Variants in CACNB1 observed in about 807,000 individuals in gnomAD.
The protein encoded by CACNB1 is voltage-dependent L-type calcium channel subunit beta-1.
In CACNB1, 29 loss-of-function variants were observed where a neutral mutation model predicts 71.6. That is an observed-to-expected ratio of 0.40 (90% confidence interval 0.30 to 0.55). CACNB1 has a LOEUF of 0.55. CACNB1 is among the 20% of genes least tolerant of loss of function. The probability of loss-of-function intolerance (pLI) is 0.38; values close to 1 mark genes in which losing one functional copy is unlikely to be tolerated. For synonymous variants in CACNB1, 300 were observed against 319.6 expected (o/e 0.94, Z 0.65); for missense variants, 623 against 801.8 (o/e 0.78, Z 2.69).
intron 8 of CACNB1, 78 bp from the exon 9 acceptor site, chr17:39,184,461 A>G: frequency 2.4e-6 from 2 of 825,674 alleles, no homozygotes; most frequent in South Asian, 1.4e-5. Flanking sequence ...GTCGCTGGGT[A>G]TTTGTACCCT....
Position 39,184,291 on chromosome 17 carries a change from C to T in CACNB1, c.788+34G>A, listed in dbSNP as rs369891566. ...GCCCATCCCCAGCAGCAGAGAGCAA[C>T]GGCAGGTGCGAGGAGCAGCTCCCAG... On this transcript the variant is annotated intron_variant, in intron 9 of 13. Coordinates refer to ENST00000394303, the MANE Select transcript of CACNB1 (RefSeq NM_000723.5). The T allele has an allele frequency of 1.7e-4, 243 of 1,440,306 alleles. No individual in the cohort carries two copies. The African/African-American group carries it at 2.1e-3, about 13-fold the overall frequency. The allele number at this position is 1,440,306 out of a possible 1,614,324, so 89.2% of individuals were successfully genotyped here. A position where few individuals can be genotyped will look rare whatever the true frequency, so the allele number is the denominator to read the frequency against.
In CACNB1 at chr17:39,194,162, G is replaced by A. The variant is rs757817147; in HGVS notation, c.171+722C>T. 2.0e-5 allele frequency among the ~76,000 whole-genome samples: 3 copies of A among 152,074 alleles called. No homozygotes were observed. The highest frequency in any genetic ancestry group is 4.4e-5 in the Non-Finnish European group (3 of 68,024). ...TTTTTTGGGTACCAGGCTTTGGTGA[G>A]ATGCTAAGTAGTCATAGCAACCACA... On this transcript the variant is annotated intron_variant, in intron 2 of 13. Transcript: ENST00000394303. This position sits in a 1 kb window ranked among gnomAD's most constrained non-coding sequence, Gnocchi z 4.6.
chr17:39,191,131 G>C (rs1234012124), intron 3 of CACNB1, among the ~76,000 whole-genome samples: 1 of 152,100 alleles, frequency 6.6e-6, no homozygotes, highest in South Asian at 2.1e-4. Context: ...GTGAACCCGG[G>C]AGGCGGAGCT....
In CACNB1 at chr17:39,185,117, G is replaced by C. The variant is rs1411705580; in HGVS notation, c.648+14C>G. 3 of 1,612,960 alleles carry C rather than the reference G, an allele frequency of 1.9e-6. No homozygotes were observed. The highest frequency in any genetic ancestry group is 2.7e-5 in the African/African-American group (2 of 74,974). On this transcript the variant is annotated intron_variant, in intron 7 of 13. Transcript: ENST00000394303. ...GGGAGTGGGGAGGAGGACACAGAAA[G>C]CTGTGATACTCACCGACTTCTGCTT...
rs979916917 is a variant in CACNB1, at chr17:39,175,294, C to G, written c.1696G>C (p.Gly566Arg). 6.2e-7 allele frequency: 1 copy of G among 1,614,064 alleles called. No homozygotes were observed. Among genetic ancestry groups the G allele is most frequent in the African/African-American group, 1.3e-5 (1 of 74,936 alleles). ...EEELTDNRNR[G>R]RNKARYCAEG... Reference sequence around the variant, plus strand: ...GCGCAGTAGCGGGCCTTATTCCGGCCCCGGTTCCGGTTGTCGGTCAGCTCT... The same window carrying G: ...GCGCAGTAGCGGGCCTTATTCCGGCGCCGGTTCCGGTTGTCGGTCAGCTCT... The change falls in exon 14 of 14, where the codon GGC becomes CGC. Residue 566 changes from glycine (G) to arginine (R), a missense_variant. Transcript: ENST00000394303. The surrounding 1 kb of genome is among the most constrained non-coding windows in gnomAD (Gnocchi z 4.7).
intron 1 of CACNB1, among the ~76,000 whole-genome samples, chr17:39,196,934 G>T (rs868044781): frequency 6.6e-5 from 10 of 152,038 alleles, no homozygotes; most frequent in Non-Finnish European, 1.5e-4. Flanking sequence ...GGCTTTGAAG[G>T]CCTGTTGGCA....
In CACNB1 at chr17:39,175,748, A is replaced by T. The variant is rs2045561769; in HGVS notation, c.1333-91T>A. The T allele has an allele frequency of 9.4e-7, 1 of 1,063,194 alleles. No individual in the cohort carries two copies. Among genetic ancestry groups the T allele is most frequent in the Non-Finnish European group, 1.3e-6 (1 of 742,802 alleles). The allele number at this position is 1,063,194 out of a possible 1,614,324, so 65.9% of individuals were successfully genotyped here. On this transcript the variant is annotated intron_variant, in intron 13 of 13. Transcript: ENST00000394303. This position sits in a 1 kb window ranked among gnomAD's most constrained non-coding sequence, Gnocchi z 4.7. ...AAGGCAAGTTAGTGACAGCATTAAG[A>T]GGTCCGGCCTGGATGAAGAGGGTGC...
At position 39,175,506 on chromosome 17, in the gene CACNB1, G is replaced by C; in HGVS notation, c.1484C>G (p.Ser495Cys). 6.2e-7 allele frequency: 1 copy of C among 1,614,010 alleles called. No individual in the cohort carries two copies. The highest frequency in any genetic ancestry group is 8.5e-7 in the Non-Finnish European group (1 of 1,180,032). The change falls in exon 14 of 14, where the codon TCC (serine) becomes TGC (cysteine). Residue 495 changes from serine to cysteine, a missense_variant. Physicochemically the swap from Ser to Cys is moderately radical, Grantham distance 112 (BLOSUM62 -1). Transcript: ENST00000394303. This position sits in a 1 kb window ranked among gnomAD's most constrained non-coding sequence, Gnocchi z 4.7. ...PGRAGTLRAL[S>C]RQDTFDADTP... The stretch of plus-strand genomic sequence containing the variant: ...GTCGGCATCAAAAGTGTCTTGGCGG[G>C]ACAGTGCCCGTAGCGTGCCTGCCCG...
Position 39,175,593 on chromosome 17 carries a change from T to C in CACNB1, c.1397A>G (p.His466Arg), listed in dbSNP as rs1160695549. 2.5e-6 allele frequency: 4 copies of C among 1,608,330 alleles called. No homozygotes were observed. Among genetic ancestry groups the C allele is most frequent in the Non-Finnish European group, 3.4e-6 (4 of 1,176,934 alleles). Residue 466 changes from histidine to arginine, a missense_variant, in exon 14 of 14, where the codon CAC becomes CGC. Transcript: ENST00000394303. The surrounding 1 kb of genome is among the most constrained non-coding windows in gnomAD (Gnocchi z 4.7). ...ERATGEHASM[H>R]EYPGELGQPP... ...CTGGCCCAGCTCCCCTGGGTACTCG[T>C]GCATGCTGGCGTGCTCCCCGGTGGC... is the stretch of plus-strand genomic sequence containing the variant.
At chr17:39,192,460 T>A (rs1013915673) in intron 2 of CACNB1, 1 of 152,360 alleles carries the variant, frequency 6.6e-6, no homozygotes, top group African/African-American at 2.4e-5. Flanking sequence ...CAAGTACAAG[T>A]GTGTGGAGGA....
In CACNB1 at chr17:39,187,589, C is replaced by A. The variant is rs773730456; in HGVS notation, c.304G>T (p.Ala102Ser). ...CCAACATTTGTCCGCACAGCAAATG[C>A]CACTGGCTTGGTCTAGAGGAGGCAC... ...QLEKAKTKPV[A>S]FAVRTNVGYN... The change falls in exon 4 of 14, where the codon GCA (alanine) becomes TCA (serine). Residue 102 changes from alanine (A) to serine (S), a missense_variant. Ala to Ser is a moderately conservative substitution (Grantham distance 99). Coordinates refer to ENST00000394303, the MANE Select transcript of CACNB1 (RefSeq NM_000723.5). 39 of 1,614,050 alleles carry A rather than the reference C, an allele frequency of 2.4e-5. No individual in the cohort carries two copies.
intron 10 of CACNB1, 31 bp downstream of exon 10, chr17:39,184,000 G>A (rs759717309): frequency 2.0e-5 from 31 of 1,562,014 alleles, no homozygotes; most frequent in Non-Finnish European, 2.7e-5. Flanking sequence ...GGCCCAGAAA[G>A]GGGGAGTGAA....
intron 7 of CACNB1, 48 bp downstream of exon 7, chr17:39,185,083 C>T (rs1238681677): frequency 6.3e-7 from 1 of 1,578,696 alleles, no homozygotes; most frequent in East Asian, 2.2e-5. Flanking sequence ...GTCCCCCTAG[C>T]TCATCCCAGG....
At chr17:39,195,164 A>G (rs1038796419) in intron 1 of CACNB1, 194 bp from the exon 2 acceptor site, 1 of 550,548 alleles carries the variant, frequency 1.8e-6, no homozygotes, top group Non-Finnish European at 3.2e-6. Flanking sequence ...GAGGGCCCAG[A>G]GCACAGCCAG....
rs1191400102 is a variant in CACNB1 at position 39,193,300 on chromosome 17, G to A, written c.171+1584C>T. 1.5e-5 allele frequency: 5 copies of A among 327,962 alleles called. No homozygotes were observed. The Admixed American group carries it at 2.0e-4, about 13-fold the overall frequency. 20.3% of individuals were successfully genotyped at this position (327,962 alleles called of 1,614,324 possible). A position where few individuals can be genotyped will look rare whatever the true frequency, so the allele number is the denominator to read the frequency against. On this transcript the variant is annotated intron_variant, in intron 2 of 13. Coordinates refer to ENST00000394303, the MANE Select transcript of CACNB1 (RefSeq NM_000723.5). ...CATACACACACATATGCAGACACATGTACGCGCATACACACGCACACATCA... is the reference window on the plus strand; with the variant it reads ...CATACACACACATATGCAGACACATATACGCGCATACACACGCACACATCA...
At chr17:39,191,906 A>C in intron 2 of CACNB1, 1 of 377,616 alleles carries the variant, frequency 2.6e-6, no homozygotes, top group Non-Finnish European at 4.8e-6. Flanking sequence ...GAGGAATGCC[A>C]GGGACGAGTC....
intron 13 of CACNB1, chr17:39,177,007 T>G (rs1379063701): frequency 2.7e-6 from 2 of 736,032 alleles, no homozygotes; most frequent in African/African-American, 3.6e-5. Flanking sequence ...TCCTTCCTAG[T>G]CCCTTGTCTT....
rs2144122646 is a variant in CACNB1, at chr17:39,183,822, C to T, written c.941G>A (p.Arg314Gln). Residue 314 changes from arginine (R) to glutamine (Q), a missense_variant, in exon 11 of 14, where the codon CGG becomes CAG. Arg to Gln is a conservative substitution (Grantham distance 43, BLOSUM62 1). Transcript: ENST00000394303. ...SEIERIFELA[R>Q]TLQLVALDAD... ...ATCCAGAGCGACCAACTGAAGGGTC[C>T]GGGCCAGCTCGAAGATTCGCTCGAT... 1 of 1,613,946 alleles carries T rather than the reference C, an allele frequency of 6.2e-7. No individual in the cohort carries two copies. The highest frequency in any genetic ancestry group is 8.5e-7 in the Non-Finnish European group (1 of 1,179,934).
At chr17:39,197,278 TG>T (rs533693650) in intron 1 of CACNB1, 133 bp downstream of exon 1, 2 of 417,546 alleles carry the variant, frequency 4.8e-6, no homozygotes, top group Non-Finnish European at 8.3e-6. Context: ...CCTGCAAGGA[TG>T]GGGGGCGCGC....
Sources: gnomAD v4.1 joint callset for allele counts (sites outside exome capture counted in the v4.1 genomes callset) on GRCh38, gnomAD v4.1.1 for gene constraint, Gnocchi (gnomAD v3.1) non-coding constraint, MANE v1.5 for transcripts, NCBI Gene and HGNC (gene_info 2026-07-23, HGNC 2026-07-21) for gene names.